Variants in PLXNA4 observed in about 807,000 individuals in gnomAD.
The protein encoded by PLXNA4 is plexin-A4.
PLXNA4 carries 44 observed loss-of-function variants against 191.8 expected under a neutral mutation model. The observed-to-expected ratio is 0.23, with a 90% CI of 0.18 to 0.29. The LOEUF (loss-of-function observed/expected upper bound fraction) is 0.29, where lower values mean the gene tolerates loss of function less well. Ranked by LOEUF, PLXNA4 falls within the 10% of genes least tolerant of loss-of-function variation. The probability of loss-of-function intolerance (pLI) is 1.00; values close to 1 mark genes in which losing one functional copy is unlikely to be tolerated. For missense variants in PLXNA4, 1,800 were observed against 2,488.8 expected (o/e 0.72, Z 5.89); for synonymous variants, 1,082 against 1,009.5 (o/e 1.07, Z -1.36).
At chr7:132,388,801 T>G (rs1805271461) in intron 3 of PLXNA4, among the ~76,000 whole-genome samples, 1 of 152,228 alleles carries the variant, frequency 6.6e-6, no homozygotes, top group Admixed American at 6.5e-5. Context: ...CTGGGGCTCA[T>G]GCCAGCCCTC....
intron 4 of PLXNA4, among the ~76,000 whole-genome samples, chr7:132,293,659 T>G (rs941527291): frequency 6.6e-6 from 1 of 152,224 alleles, no homozygotes; most frequent in African/African-American, 2.4e-5. Flanking sequence ...GAGGCTGGTA[T>G]GTAAGAATGG....
Position 132,615,274 on chromosome 7 carries a change from TCA to T in PLXNA4, c.-87+30652_-87+30653del, listed in dbSNP as rs1563195420. On this transcript the variant is annotated intron_variant, in intron 2 of 4. Transcript: ENST00000378539. Reference sequence around the variant, plus strand: ...GTGGCTGGGAAAGTGATGATGTCCTTCACAGAGAGGGGAGTGGTGGCAGAGGG... The same window carrying T: ...GTGGCTGGGAAAGTGATGATGTCCTTCAGAGAGGGGAGTGGTGGCAGAGGG... 5.9e-5 allele frequency among the ~76,000 whole-genome samples: 9 copies of T among 152,174 alleles called. No individual in the cohort carries two copies. The South Asian group carries it at 1.9e-3, about 32-fold the overall frequency.
chr7:132,505,489 A>G (rs1286496750), intron 2 of PLXNA4, among the ~76,000 whole-genome samples: 1 of 152,124 alleles, frequency 6.6e-6, no homozygotes, highest in Non-Finnish European at 1.5e-5. Context: ...GTTGTTGTTT[A>G]GTAAGTGCAC....
chr7:132,254,662 G>A (rs187376890), intron 4 of PLXNA4, among the ~76,000 whole-genome samples: 20 of 152,334 alleles, frequency 1.3e-4, no homozygotes, highest in Middle Eastern at 3.4e-3. Flanking sequence ...GGCTGCAGAC[G>A]TAATGCAGAG....
intron 3 of PLXNA4, among the ~76,000 whole-genome samples, chr7:132,372,905 G>A (rs1804503877): frequency 6.6e-6 from 1 of 152,180 alleles, no homozygotes; most frequent in Admixed American, 6.5e-5. Context: ...CTGGCGTGGA[G>A]AGCATGGAAG....
chr7:132,355,533 G>A (rs1803663300), intron 3 of PLXNA4, among the ~76,000 whole-genome samples: 3 of 152,144 alleles, frequency 2.0e-5, no homozygotes, highest in Admixed American at 2.0e-4. Flanking sequence ...TGGGTGCTCG[G>A]CAGACTCTCC....
chr7:132,315,556 T>G (rs1273871828), intron 3 of PLXNA4, among the ~76,000 whole-genome samples: 4 of 152,210 alleles, frequency 2.6e-5, no homozygotes, highest in African/African-American at 7.2e-5. Flanking sequence ...CAAAGTTAGA[T>G]TATAGCTAAC....
intron 1 of PLXNA4, among the ~76,000 whole-genome samples, chr7:132,543,727 C>G (rs893910864): frequency 1.3e-5 from 2 of 152,192 alleles, no homozygotes; most frequent in African/African-American, 4.8e-5. Context: ...CTTTAATAAG[C>G]GATGGGGAGC....
intron 26 of PLXNA4, 47 bp from the exon 27 acceptor site, chr7:132,148,046 C>G (rs756543495): frequency 6.2e-7 from 1 of 1,613,610 alleles, no homozygotes; most frequent in Admixed American, 1.7e-5. Context: ...AGCTCTGCCA[C>G]TCCAGGAAAT....
rs112411558 is a variant in PLXNA4 at position 132,145,034 on chromosome 7, T to C, written c.5225+85A>G. ...AACAGGCTCTGGCCAGCCCTTCTCCTGGAGGCCCAGAGTCCCACCACCATT... is the reference window on the plus strand; with the variant it reads ...AACAGGCTCTGGCCAGCCCTTCTCCCGGAGGCCCAGAGTCCCACCACCATT... On this transcript the variant is annotated intron_variant, in intron 29 of 31. Coordinates refer to ENST00000321063, the MANE Select transcript of PLXNA4 (RefSeq NM_020911.2). The C allele has an allele frequency of 8.9e-4, 1,425 of 1,597,778 alleles. 14 individuals carry two copies. In the African/African-American group the frequency reaches 0.017, roughly 19 times the overall value.
chr7:132,612,857 CAA>C (rs1016012584), intron 2 of PLXNA4, among the ~76,000 whole-genome samples: 1 of 151,786 alleles, frequency 6.6e-6, no homozygotes, highest in African/African-American at 2.4e-5. Context: ...TCATGGAAGA[CAA>C]AATCAACCAT....
chr7:132,290,977 G>T (rs1381589268), intron 4 of PLXNA4, among the ~76,000 whole-genome samples: 2 of 152,148 alleles, frequency 1.3e-5, no homozygotes, highest in Non-Finnish European at 2.9e-5. Context: ...CTTTTACATG[G>T]AATATCTCAT....
intron 2 of PLXNA4, among the ~76,000 whole-genome samples, chr7:132,595,201 C>A (rs1802686782): frequency 6.6e-6 from 1 of 152,142 alleles, no homozygotes; most frequent in Admixed American, 6.5e-5. Flanking sequence ...AGACCTCCAG[C>A]ACCCAGCAGT....
chr7:132,424,254 C>A (rs748652791), intron 3 of PLXNA4, among the ~76,000 whole-genome samples: 2 of 152,164 alleles, frequency 1.3e-5, no homozygotes, highest in Non-Finnish European at 2.9e-5. Context: ...GCTGGTCTGC[C>A]CCCCGCTCCC....
chr7:132,433,313 A>G (rs1368351405), intron 3 of PLXNA4, among the ~76,000 whole-genome samples: 2 of 152,182 alleles, frequency 1.3e-5, no homozygotes, highest in Non-Finnish European at 2.9e-5. Context: ...TACCAAAAAC[A>G]TGCTTTGGGG....
rs1795615421 is a variant in PLXNA4 at position 132,151,403 on chromosome 7, AGGAG to A, written c.4661-2761_4661-2758del. Among the ~76,000 whole-genome samples the A allele has an allele frequency of 2.9e-4, 22 of 75,246 alleles. 1 individual carries two copies. Among genetic ancestry groups the A allele is most frequent in the African/African-American group, 1.5e-3 (21 of 14,064 alleles). The allele number at this position is 75,246 out of a possible 152,430, so 49.4% of individuals were successfully genotyped here. A position where few individuals can be genotyped will look rare whatever the true frequency, so the allele number is the denominator to read the frequency against. On this transcript the variant is annotated intron_variant, in intron 25 of 31. Coordinates refer to ENST00000321063, the MANE Select transcript of PLXNA4 (RefSeq NM_020911.2). ...AGGAGGAGGAGAAAGGAGGAGGAGG[AGGAG>A]GAAGGAGGAGGAGGAGGAGGAGGAA...
chr7:132,226,510 A>T (rs747857881), intron 7 of PLXNA4, among the ~76,000 whole-genome samples: 1 of 152,272 alleles, frequency 6.6e-6, no homozygotes, highest in Non-Finnish European at 1.5e-5. Flanking sequence ...GCACACTGCC[A>T]GGGATTCAAA....
In PLXNA4 at chr7:132,591,680, AT is replaced by A. The variant is rs1226079708; in HGVS notation, c.-87+54247del. On this transcript the variant is annotated intron_variant, in intron 2 of 4. Transcript: ENST00000378539. ...ACACTTTCTTAAAAACATAACACAT[AT>A]AAAGGACTTAGCACAGGACTAGGAG... Among the ~76,000 whole-genome samples, 6 of 152,232 alleles carry A rather than the reference AT, an allele frequency of 3.9e-5. No individual in the cohort carries two copies. The South Asian group carries it at 1.2e-3, about 31-fold the overall frequency.
At chr7:132,192,839 C>A (rs890862699) in intron 14 of PLXNA4, among the ~76,000 whole-genome samples, 9 of 152,232 alleles carry the variant, frequency 5.9e-5, no homozygotes, top group African/African-American at 2.2e-4. Flanking sequence ...TCCCCTAGAA[C>A]TACTTGTCAG....
Sources: gnomAD v4.1 joint callset for allele counts (sites outside exome capture counted in the v4.1 genomes callset) on GRCh38, gnomAD v4.1.1 for gene constraint, MANE v1.5 for transcripts, NCBI Gene and HGNC (gene_info 2026-07-23, HGNC 2026-07-21) for gene names.